Variants in OSBPL9 observed in about 807,000 individuals in gnomAD.
The protein encoded by OSBPL9 is oxysterol binding protein like 9, also known as oxysterol-binding protein-related protein 9.
Under a neutral mutation model 106.6 loss-of-function variants are expected in OSBPL9, and 40 were observed. The ratio of observed to expected loss-of-function variants is 0.38; its 90% CI spans 0.29 to 0.49. OSBPL9 has a LOEUF of 0.49. OSBPL9 is among the 20% of genes least tolerant of loss of function. OSBPL9 has a pLI of 0.97. For synonymous variants in OSBPL9, 269 were observed against 295.4 expected, an observed-to-expected ratio of 0.91 and a Z score of 0.92; for missense variants, 609 against 887.2, an observed-to-expected ratio of 0.69 and a Z score of 3.98.
chr1:51,572,816 T>C (rs1462398310), upstream of OSBPL9, among the ~76,000 whole-genome samples: 2 of 152,232 alleles, frequency 1.3e-5, no homozygotes, highest in Non-Finnish European at 2.9e-5. Context: ...ACATATTATA[T>C]TTGTGGAGAG....
intron 4 of OSBPL9, among the ~76,000 whole-genome samples, chr1:51,737,341 C>T (rs561345051): frequency 1.2e-4 from 18 of 151,898 alleles, no homozygotes; most frequent in African/African-American, 4.3e-4. Context: ...ATGTTCATAA[C>T]CTGTAGCTTC....
At chr1:51,714,962 C>G (rs1369289256) in intron 4 of OSBPL9, among the ~76,000 whole-genome samples, 2 of 152,212 alleles carry the variant, frequency 1.3e-5, no homozygotes, top group African/African-American at 4.8e-5. Flanking sequence ...GGGTGACATG[C>G]AACTAACGTC....
At chr1:51,773,291 T>G (rs1674350988) in intron 14 of OSBPL9, among the ~76,000 whole-genome samples, 1 of 152,168 alleles carries the variant, frequency 6.6e-6, no homozygotes, top group Non-Finnish European at 1.5e-5. Flanking sequence ...GAATTTGAAT[T>G]TAAACTTGGA....
intron 3 of OSBPL9, among the ~76,000 whole-genome samples, chr1:51,712,283 T>C (rs1201523999): frequency 6.6e-6 from 1 of 152,076 alleles, no homozygotes; most frequent in Non-Finnish European, 1.5e-5. Flanking sequence ...GCGCCTGCAA[T>C]CGCAGGCACT....
chr1:51,771,989 C>A, intron 12 of OSBPL9, 81 bp from the exon 13 acceptor site: 1 of 983,726 alleles, frequency 1.0e-6, no homozygotes, highest in Non-Finnish European at 1.5e-6. Flanking sequence ...ATGCATGTAA[C>A]CAGCTAACTG....
intron 10 of OSBPL9, 32 bp downstream of exon 10, chr1:51,760,812 GA>G: frequency 6.2e-7 from 1 of 1,605,494 alleles, no homozygotes; most frequent in Non-Finnish European, 8.5e-7. Context: ...TAGATTCATT[GA>G]TGAGAAAAAA....
intron 3 of OSBPL9, among the ~76,000 whole-genome samples, chr1:51,691,297 T>TTAGA (rs1654901739): frequency 6.9e-6 from 1 of 145,812 alleles, no homozygotes; most frequent in Admixed American, 6.8e-5. Flanking sequence ...TTTTTTTTTT[T>TTAGA]GAGATGGAGT....
intron 1 of OSBPL9, among the ~76,000 whole-genome samples, chr1:51,588,892 C>T (rs762053139): frequency 6.6e-6 from 1 of 152,084 alleles, no homozygotes; most frequent in Non-Finnish European, 1.5e-5. Context: ...GTTTCTGAAG[C>T]TATAGCAGTG....
At chr1:51,657,672 C>T (rs965117771) in intron 2 of OSBPL9, among the ~76,000 whole-genome samples, 3 of 152,212 alleles carry the variant, frequency 2.0e-5, no homozygotes, top group South Asian at 2.1e-4. Flanking sequence ...TGCCACTAGA[C>T]GGTGCCCTTT....
chr1:51,761,711 G>A (rs942327482), intron 10 of OSBPL9, among the ~76,000 whole-genome samples, 156 bp from the exon 11 acceptor site: 3 of 152,142 alleles, frequency 2.0e-5, no homozygotes, highest in East Asian at 3.8e-4. Context: ...TAAGAGGCTA[G>A]GAAGTCAAAA....
At chr1:51,617,041 G>A, upstream of OSBPL9, 2 of 352,966 alleles carry the variant, frequency 5.7e-6, no homozygotes, top group Non-Finnish European at 9.3e-6. Context: ...CTGCGGCCCC[G>A]CCCCCCGCAT....
chr1:51,642,326 A>G, intron 1 of OSBPL9, among the ~76,000 whole-genome samples: 1 of 152,178 alleles, frequency 6.6e-6, no homozygotes, highest in East Asian at 1.9e-4. Flanking sequence ...GGGATGATGA[A>G]ATTAAGTAAT....
At chr1:51,626,111 C>T (rs936478212) in intron 1 of OSBPL9, among the ~76,000 whole-genome samples, 1 of 152,120 alleles carries the variant, frequency 6.6e-6, no homozygotes, top group African/African-American at 2.4e-5. Context: ...TGTGATCTGT[C>T]GTTCTGGCAG....
At chr1:51,650,259 C>T (rs992793942) in intron 1 of OSBPL9, among the ~76,000 whole-genome samples, 1 of 152,034 alleles carries the variant, frequency 6.6e-6, no homozygotes. Context: ...TTTCTGTTTA[C>T]TGTAATTTTA....
intron 14 of OSBPL9, among the ~76,000 whole-genome samples, chr1:51,774,278 T>C (rs2149115414): frequency 6.6e-6 from 1 of 152,276 alleles, no homozygotes; most frequent in East Asian, 1.9e-4. Flanking sequence ...CTCTGCCAAA[T>C]AAACCATATT....
In OSBPL9 at chr1:51,782,623, A is replaced by G; in HGVS notation, c.1493A>G (p.Gln498Arg). Reference protein sequence around the residue: ...SKNSVTFVAEQVSHHPPISAF... With the variant: ...SKNSVTFVAERVSHHPPISAF... Reference sequence around the variant, plus strand: ...AACAGTGTAACATTTGTGGCTGAGCAGGTTTCCCATCATCCACCCAGTAAG... The same window carrying G: ...AACAGTGTAACATTTGTGGCTGAGCGGGTTTCCCATCATCCACCCAGTAAG... Residue 498 changes from glutamine (Q) to arginine (R), a missense_variant, in exon 17 of 24, where the codon CAG becomes CGG. By Grantham distance (43) the Gln-to-Arg change is conservative. Coordinates refer to ENST00000428468, the MANE Select transcript of OSBPL9 (RefSeq NM_024586.6). 6.2e-7 allele frequency: 1 copy of G among 1,613,960 alleles called. No individual in the cohort carries two copies. The highest frequency in any genetic ancestry group is 8.5e-7 in the Non-Finnish European group (1 of 1,179,872).
chr1:51,527,167 C>A, the OSBPL9 span, among the ~76,000 whole-genome samples: 1 of 152,178 alleles, frequency 6.6e-6, no homozygotes, highest in Admixed American at 6.5e-5. Flanking sequence ...TAAGCTACAA[C>A]ACCATGGTCA....
the OSBPL9 span, among the ~76,000 whole-genome samples, chr1:51,568,317 C>T: frequency 6.6e-6 from 1 of 152,154 alleles, no homozygotes; most frequent in African/African-American, 2.4e-5. Context: ...GTTACTATCC[C>T]CCACTTTTAG....
At chr1:51,602,210 C>G (rs144581115) in intron 2 of OSBPL9, among the ~76,000 whole-genome samples, 1 of 150,884 alleles carries the variant, frequency 6.6e-6, no homozygotes, top group African/African-American at 2.4e-5. Flanking sequence ...TTAGTAGAGA[C>G]GGGGTTTCAC....
Sources: allele counts gnomAD v4.1 joint callset (sites outside exome capture counted in the v4.1 genomes callset), GRCh38; gene constraint gnomAD v4.1.1; transcripts MANE v1.5; gene names NCBI Gene and HGNC (gene_info 2026-07-23, HGNC 2026-07-21).